Variants in SORL1 observed in about 807,000 individuals in gnomAD.
SORL1 encodes the protein sortilin-related receptor.
A neutral mutation model predicts 273.7 loss-of-function variants in SORL1; 127 were observed. The observed-to-expected ratio is 0.46, with a 90% confidence interval of 0.40 to 0.54. The LOEUF is 0.54. Among genes scored for constraint, SORL1 ranks in the 20% least tolerant of loss-of-function variants. The probability of loss-of-function intolerance (pLI) is 0.00; values close to 1 mark genes in which losing one functional copy is unlikely to be tolerated. For synonymous variants in SORL1, 1,031 were observed against 1,067.4 expected, an observed-to-expected ratio of 0.97 and a Z score of 0.66; for missense variants, 2,494 against 2,846.1, an observed-to-expected ratio of 0.88 and a Z score of 2.81.
chr11:121,500,936 G>A (rs1861700149), intron 6 of SORL1, among the ~76,000 whole-genome samples: 2 of 152,102 alleles, frequency 1.3e-5, no homozygotes, highest in South Asian at 4.1e-4. Flanking sequence ...TCAACCTTAA[G>A]CTAATTTGCT....
At position 121,597,456 on chromosome 11, in the gene SORL1, G is replaced by GT. The variant is rs1239492916; in HGVS notation, c.4519+1698dup. On this transcript the variant is annotated intron_variant, in intron 32 of 47. Coordinates refer to ENST00000260197, the MANE Select transcript of SORL1 (RefSeq NM_003105.6). ...ATACAAATTCTTTGTGTGTTTGTTT[G>GT]TTTTTTTTTTTTTTCTTTTGAGATG... Among the ~76,000 whole-genome samples, 1,029 of 140,256 alleles carry GT rather than the reference G, an allele frequency of 7.3e-3. 11 individuals carry two copies. The highest frequency in any genetic ancestry group is 0.019 in the African/African-American group (739 of 38,600). The allele number at this position is 140,256 out of a possible 152,430, so 92.0% of individuals were successfully genotyped here.
intron 4 of SORL1, among the ~76,000 whole-genome samples, chr11:121,488,777 C>T (rs1474247173): frequency 1.3e-5 from 2 of 152,130 alleles, no homozygotes; most frequent in African/African-American, 2.4e-5. Context: ...TGAAGCTTGC[C>T]AAGTCAAGGA....
chr11:121,627,364 T>C lies in SORL1; in HGVS notation c.6365-191T>C, dbSNP rs1863811009. The C allele has an allele frequency of 1.7e-6, 1 of 605,206 alleles. No individual in the cohort carries two copies. The highest frequency in any genetic ancestry group is 1.9e-5 in the South Asian group (1 of 51,438). 37.5% of individuals were successfully genotyped at this position (605,206 alleles called of 1,614,324 possible). A position where few individuals can be genotyped will look rare whatever the true frequency, so the allele number is the denominator to read the frequency against. On this transcript the variant is annotated intron_variant, in intron 46 of 47. Transcript: ENST00000260197. This position sits in a 1 kb window ranked among gnomAD's most constrained non-coding sequence, Gnocchi z 4.9. Reference sequence around the variant, plus strand: ...ATTTGCATGCACAAGGCCCTTGGTCTATCAGCTCATGGCAAGTAGTGGGGA... The same window carrying C: ...ATTTGCATGCACAAGGCCCTTGGTCCATCAGCTCATGGCAAGTAGTGGGGA...
Position 121,550,520 on chromosome 11 carries a change from G to C in SORL1, c.2181-65G>C. ...GCCGTGGGTAGTAAGTGTATTCCCAGCTGGGATGCCTTTGTGGCTATTCTT... is the reference window on the plus strand; with the variant it reads ...GCCGTGGGTAGTAAGTGTATTCCCACCTGGGATGCCTTTGTGGCTATTCTT... On this transcript the variant is annotated intron_variant, in intron 15 of 47. Coordinates refer to ENST00000260197, the MANE Select transcript of SORL1 (RefSeq NM_003105.6). The surrounding 1 kb of genome is among the most constrained non-coding windows in gnomAD (Gnocchi z 5.3). 7.1e-7 allele frequency: 1 copy of C among 1,403,398 alleles called. No homozygotes were observed. Among genetic ancestry groups the C allele is most frequent in the Non-Finnish European group, 1.0e-6 (1 of 989,958 alleles). The allele number at this position is 1,403,398 out of a possible 1,614,324, so 86.9% of individuals were successfully genotyped here.
chr11:121,480,342 T>C (rs1266838599), intron 3 of SORL1, among the ~76,000 whole-genome samples: 1 of 152,124 alleles, frequency 6.6e-6, no homozygotes, highest in Non-Finnish European at 1.5e-5. Context: ...TAATCAAATA[T>C]TATCATAAGT....
chr11:121,516,175 C>T (rs186720017), intron 8 of SORL1, among the ~76,000 whole-genome samples: 197 of 152,296 alleles, frequency 1.3e-3, no homozygotes, highest in Middle Eastern at 3.4e-3. Flanking sequence ...ACTGTGACTA[C>T]TGTAGGGGAC....
chr11:121,453,004 A>G (rs1000481330), intron 1 of SORL1: 2 of 186,386 alleles, frequency 1.1e-5, no homozygotes, highest in East Asian at 2.7e-4. Context: ...ACACTTACAC[A>G]GAACAGCACG....
chr11:121,486,873 ACCTCCTGAGCCCGGGGAGGTCAAGG>A (rs1861481110), intron 3 of SORL1, among the ~76,000 whole-genome samples: 1 of 151,956 alleles, frequency 6.6e-6, no homozygotes, highest in Admixed American at 6.5e-5. Flanking sequence ...AGGTGGGATG[ACCTCCTGAGCCCGGGGAGGTCAAGG>A]CTGCACTGAG....
chr11:121,583,937 TATAC>T (rs1185504565), intron 26 of SORL1, among the ~76,000 whole-genome samples: 1 of 152,240 alleles, frequency 6.6e-6, no homozygotes, highest in Non-Finnish European at 1.5e-5. Flanking sequence ...TACATGTTGT[TATAC>T]ATTCTACTCC....
Position 121,589,372 on chromosome 11 carries a change from T to A in SORL1, c.4060T>A (p.Ser1354Thr). The change falls in exon 29 of 48, where the codon TCT (serine) becomes ACT (threonine). Residue 1354 changes from serine to threonine, a missense_variant. Ser to Thr is a moderately conservative substitution (Grantham distance 58, BLOSUM62 1). Coordinates refer to ENST00000260197, the MANE Select transcript of SORL1 (RefSeq NM_003105.6). ...CGGGATGGATGATTGCGGCGATTAT[T>A]CTGATGAAGCCAACTGCGGTAAGAT... ...CDGMDDCGDY[S>T]DEANCENPTE... 6.2e-7 allele frequency: 1 copy of A among 1,613,524 alleles called. No homozygotes were observed. Among genetic ancestry groups the A allele is most frequent in the East Asian group, 2.2e-5 (1 of 44,888 alleles).
chr11:121,465,492 A>G (rs1861068688), intron 1 of SORL1, among the ~76,000 whole-genome samples: 1 of 151,970 alleles, frequency 6.6e-6, no homozygotes, highest in Non-Finnish European at 1.5e-5. Context: ...TGTTTCCCAA[A>G]GAAGCTGCAT....
chr11:121,505,298 A>C (rs948609929), intron 6 of SORL1, among the ~76,000 whole-genome samples: 1 of 151,552 alleles, frequency 6.6e-6, no homozygotes, highest in African/African-American at 2.4e-5. Flanking sequence ...GATGTTTCTT[A>C]TTTCTTTCCT....
At chr11:121,590,304 A>G in intron 30 of SORL1, 130 bp downstream of exon 30, 1 of 864,704 alleles carries the variant, frequency 1.2e-6, no homozygotes, top group African/African-American at 1.7e-5. Context: ...GAGTGACTCA[A>G]ATTTTTTCTG....
chr11:121,572,914 A>C (rs141427659), intron 23 of SORL1, among the ~76,000 whole-genome samples: 1 of 152,118 alleles, frequency 6.6e-6, no homozygotes, highest in Admixed American at 6.5e-5. Flanking sequence ...AGGATGTCTA[A>C]CGGCAGCATT....
intron 3 of SORL1, among the ~76,000 whole-genome samples, chr11:121,486,131 G>A (rs569157823): frequency 6.4e-4 from 97 of 152,280 alleles, no homozygotes; most frequent in African/African-American, 2.3e-3. Flanking sequence ...GTGTCCTTGG[G>A]CTTATCCTGC....
In SORL1 at chr11:121,585,540, T is replaced by TACACAC. The variant is rs1863087097; in HGVS notation, c.3707-681_3707-680insCACACA. ...ACACACACACACACACACACACACTTATCAAAATGGAAATGTTCAAAATAG... is the reference window on the plus strand; with the variant it reads ...ACACACACACACACACACACACACTTACACACATCAAAATGGAAATGTTCAAAATAG... On this transcript the variant is annotated intron_variant, in intron 26 of 47. Coordinates refer to ENST00000260197, the MANE Select transcript of SORL1 (RefSeq NM_003105.6). Among the ~76,000 whole-genome samples, 4 of 122,724 alleles carry TACACAC rather than the reference T, an allele frequency of 3.3e-5. No homozygotes were observed. The South Asian group carries it at 1.3e-3, about 39-fold the overall frequency. 80.5% of individuals were successfully genotyped at this position (122,724 alleles called of 152,430 possible). A position where few individuals can be genotyped will look rare whatever the true frequency, so the allele number is the denominator to read the frequency against.
Position 121,532,523 on chromosome 11 carries a change from T to C in SORL1, c.1656T>C (p.Ile552=). The C allele has an allele frequency of 6.2e-7, 1 of 1,614,132 alleles. No individual in the cohort carries two copies. Among genetic ancestry groups the C allele is most frequent in the Non-Finnish European group, 8.5e-7 (1 of 1,179,996 alleles). ...WGDHGGIITA[I]AQGMETNELK... is the part of the protein sequence containing the mutation. ...ACCACGGCGGAATCATCACGGCCATTGCCCAGGGCATGGAAACCAACGAGC... is the reference window on the plus strand; with the variant it reads ...ACCACGGCGGAATCATCACGGCCATCGCCCAGGGCATGGAAACCAACGAGC... The change falls in exon 12 of 48, where the codon ATT becomes ATC. Residue 552 remains isoleucine (I), a synonymous_variant. Coordinates refer to ENST00000260197, the MANE Select transcript of SORL1 (RefSeq NM_003105.6).
intron 32 of SORL1, among the ~76,000 whole-genome samples, chr11:121,597,490 C>T (rs895548711): frequency 3.3e-5 from 5 of 150,724 alleles, no homozygotes; most frequent in African/African-American, 1.2e-4. Flanking sequence ...TGTCATCTCG[C>T]TCTGTTGCCC....
intron 31 of SORL1, among the ~76,000 whole-genome samples, chr11:121,592,707 G>C (rs745961801): frequency 3.3e-5 from 5 of 152,264 alleles, no homozygotes; most frequent in East Asian, 3.9e-4. Flanking sequence ...TACAATAATA[G>C]GCAAATAGTC....
Sources: gnomAD v4.1 joint callset for allele counts (sites outside exome capture counted in the v4.1 genomes callset) on GRCh38, gnomAD v4.1.1 for gene constraint, Gnocchi (gnomAD v3.1) non-coding constraint, MANE v1.5 for transcripts, NCBI Gene and HGNC (gene_info 2026-07-23, HGNC 2026-07-21) for gene names.